The following ERI3 variants were observed in gnomAD, a reference collection of about 807,000 sequenced individuals.
ERI3 encodes the protein ERI1 exoribonuclease 3.
ERI3 carries 18 observed loss-of-function variants against 44.4 expected under a neutral mutation model. The observed-to-expected ratio is 0.41, with a 90% CI of 0.28 to 0.60. ERI3 has a LOEUF of 0.60. Ranked by LOEUF, ERI3 falls within the 20% of genes least tolerant of loss-of-function variation. The pLI is 0.36. For synonymous variants in ERI3, 183 were observed against 164.8 expected (o/e 1.11, Z -0.84); for missense variants, 294 against 435.5 (o/e 0.68, Z 2.89).
chr1:44,228,072 G>A lies in ERI3; in HGVS notation c.932-6432C>T, dbSNP rs1387203695. On this transcript the variant is annotated intron_variant, in intron 8 of 8. Transcript: ENST00000372257. The surrounding 1 kb of genome is among the most constrained non-coding windows in gnomAD (Gnocchi z 4.3). ...CCTTGTCTCAGACATGGCCTACACA[G>A]TCCCCTGCGCCCCCATTCACGGCCA... 6.6e-6 allele frequency among the ~76,000 whole-genome samples: 1 copy of A among 150,676 alleles called. No individual in the cohort carries two copies. The highest frequency in any genetic ancestry group is 1.5e-5 in the Non-Finnish European group (1 of 67,808).
At position 44,258,849 on chromosome 1, in the gene ERI3, T is replaced by C. The variant is rs556756496; in HGVS notation, c.832-10811A>G. ...TTAGAATCAGATGAAGCCCTTCTCT[T>C]CTCTGATGTTTGGAGGGAAAAAAAG... is the stretch of plus-strand genomic sequence containing the variant. On this transcript the variant is annotated intron_variant, in intron 7 of 8. Transcript: ENST00000372257. Among the ~76,000 whole-genome samples the C allele has an allele frequency of 2.0e-5, 3 of 152,210 alleles. No individual in the cohort carries two copies. The East Asian group carries it at 5.8e-4, about 29-fold the overall frequency.
intron 7 of ERI3, among the ~76,000 whole-genome samples, chr1:44,271,570 C>G (rs1226560756): frequency 6.6e-6 from 1 of 152,242 alleles, no homozygotes. Flanking sequence ...ATGAACCTCT[C>G]TGCCCTTCAG....
intron 7 of ERI3, among the ~76,000 whole-genome samples, chr1:44,275,649 C>T (rs1447208763): frequency 6.6e-6 from 1 of 152,172 alleles, no homozygotes; most frequent in Non-Finnish European, 1.5e-5. Flanking sequence ...CTCTTCGGAG[C>T]ACCCAGAAAT....
At chr1:44,306,144 A>G (rs1645827708) in intron 6 of ERI3, among the ~76,000 whole-genome samples, 3 of 152,324 alleles carry the variant, frequency 2.0e-5, no homozygotes, top group Admixed American at 2.0e-4. Flanking sequence ...TATAAGAGGC[A>G]GCCACAGAGC....
chr1:44,310,953 G>GTGCGCA (rs1321004898), intron 5 of ERI3, among the ~76,000 whole-genome samples: 96 of 67,484 alleles, frequency 1.4e-3, no homozygotes, highest in African/African-American at 5.4e-3. Flanking sequence ...TGTGCACATC[G>GTGCGCA]CGCGCGCGCG....
At chr1:44,322,878 T>A (rs1330786877) in intron 3 of ERI3, 1 of 1,543,174 alleles carries the variant, frequency 6.5e-7, no homozygotes, top group South Asian at 1.2e-5. Context: ...TTTTGAAGAT[T>A]TTTAGCTGAT....
intron 6 of ERI3, among the ~76,000 whole-genome samples, chr1:44,306,855 C>T (rs1405572910): frequency 6.6e-6 from 1 of 152,186 alleles, no homozygotes; most frequent in African/African-American, 2.4e-5. Flanking sequence ...GCCATATGAA[C>T]CCCAGAATTC....
intron 5 of ERI3, among the ~76,000 whole-genome samples, chr1:44,310,296 A>G (rs1193077984): frequency 6.6e-6 from 1 of 152,234 alleles, no homozygotes; most frequent in Admixed American, 6.5e-5. Flanking sequence ...AACATAGTAG[A>G]GGATACTACA....
At chr1:44,284,545 G>A (rs1477318423) in intron 7 of ERI3, among the ~76,000 whole-genome samples, 1 of 152,140 alleles carries the variant, frequency 6.6e-6, no homozygotes, top group East Asian at 1.9e-4. Context: ...ATTCAGCTCT[G>A]AGCAAGAGCC....
chr1:44,222,604 G>C (rs60348746), intron 8 of ERI3, among the ~76,000 whole-genome samples: 1,848 of 152,248 alleles, frequency 0.012, 70 homozygotes, highest in East Asian at 0.069. Context: ...ACCACCACCA[G>C]CAGCAGGAGG....
At chr1:44,279,673 C>T (rs34775632) in intron 7 of ERI3, among the ~76,000 whole-genome samples, 3 of 152,210 alleles carry the variant, frequency 2.0e-5, no homozygotes, top group Non-Finnish European at 2.9e-5. Context: ...CTCCTTCTCC[C>T]ATTATCTCAG....
At chr1:44,288,017 T>C (rs565270293) in intron 6 of ERI3, among the ~76,000 whole-genome samples, 2 of 152,300 alleles carry the variant, frequency 1.3e-5, no homozygotes, top group East Asian at 3.9e-4. Context: ...GGATGGGCTC[T>C]CTCTTTAGCA....
intron 8 of ERI3, among the ~76,000 whole-genome samples, chr1:44,232,077 G>A (rs911058293): frequency 2.6e-5 from 4 of 152,132 alleles, no homozygotes; most frequent in African/African-American, 9.7e-5. Context: ...CCTTAGGATC[G>A]CCTTACCGCC....
At chr1:44,258,128 C>G (rs1644816441) in intron 7 of ERI3, among the ~76,000 whole-genome samples, 1 of 152,184 alleles carries the variant, frequency 6.6e-6, no homozygotes, top group South Asian at 2.1e-4. Context: ...AGCTTTGAAC[C>G]TGGCATGTAA....
At chr1:44,310,010 C>G (rs997094652) in intron 5 of ERI3, among the ~76,000 whole-genome samples, 2 of 152,182 alleles carry the variant, frequency 1.3e-5, no homozygotes, top group Non-Finnish European at 2.9e-5. Context: ...GTCATGTAAC[C>G]TCTCTGAACC....
At chr1:44,309,174 A>G (rs186492263) in intron 5 of ERI3, among the ~76,000 whole-genome samples, 14 of 152,210 alleles carry the variant, frequency 9.2e-5, no homozygotes, top group African/African-American at 3.1e-4. Flanking sequence ...CAAATACTAA[A>G]ATCAGTATAC....
At chr1:44,316,321 A>C (rs966216845) in intron 4 of ERI3, among the ~76,000 whole-genome samples, 4 of 152,312 alleles carry the variant, frequency 2.6e-5, no homozygotes, top group African/African-American at 9.6e-5. Context: ...AGGAAGAATT[A>C]ATGTGTGCTC....
intron 4 of ERI3, among the ~76,000 whole-genome samples, chr1:44,314,812 A>T (rs978320166): frequency 6.6e-6 from 1 of 152,216 alleles, no homozygotes; most frequent in Non-Finnish European, 1.5e-5. Context: ...GGCAGTGAAG[A>T]AAAATGTAAA....
chr1:44,235,641 C>T lies in ERI3; in HGVS notation c.931+12298G>A, dbSNP rs540821065. Among the ~76,000 whole-genome samples the T allele has an allele frequency of 3.3e-5, 5 of 152,218 alleles. No individual in the cohort carries two copies. Among genetic ancestry groups the T allele is most frequent in the African/African-American group, 1.2e-4 (5 of 41,452 alleles). On this transcript the variant is annotated intron_variant, in intron 8 of 8. Transcript: ENST00000372257. This position sits in a 1 kb window ranked among gnomAD's most constrained non-coding sequence, Gnocchi z 4.6. ...CACCCAAAGCCTTGACATGCCCAGG[C>T]CCTGAAACCCTGTCATGGTCTTTGT...
Sources: allele counts gnomAD v4.1 joint callset (sites outside exome capture counted in the v4.1 genomes callset), GRCh38; gene constraint gnomAD v4.1.1; non-coding constraint Gnocchi (gnomAD v3.1); transcripts MANE v1.5; gene names NCBI Gene and HGNC (gene_info 2026-07-23, HGNC 2026-07-21).